TMPRSS12: variants seen among roughly 807,000 people sequenced by gnomAD.
TMPRSS12 encodes transmembrane serine protease 12.
In TMPRSS12, 25 loss-of-function variants were observed where a neutral mutation model predicts 26.0. The observed-to-expected ratio is 0.96, with a 90% CI of 0.70 to 1.34. The LOEUF is 1.34. Ranked by LOEUF, TMPRSS12 falls within the 40% of genes most tolerant of loss-of-function variation. The pLI, the probability that TMPRSS12 is intolerant of heterozygous loss-of-function variation, is 0.00. For missense variants in TMPRSS12, 441 were observed against 440.1 expected, an observed-to-expected ratio of 1.00 and a Z score of -0.02; for synonymous variants, 150 against 161.7, an observed-to-expected ratio of 0.93 and a Z score of 0.55.
rs570503812 is a variant in TMPRSS12 at position 50,885,185 on chromosome 12, C to T, written c.653-61C>T. 2.7e-5 allele frequency: 39 copies of T among 1,460,956 alleles called. No homozygotes were observed. In the African/African-American group the frequency reaches 5.4e-4, roughly 20 times the overall value. 90.5% of individuals were successfully genotyped at this position (1,460,956 alleles called of 1,614,324 possible). A position where few individuals can be genotyped will look rare whatever the true frequency, so the allele number is the denominator to read the frequency against. The stretch of plus-strand genomic sequence containing the variant: ...TTGGAAAGAAAACATAAAACACTAA[C>T]ATTTAAATCACTGTAAAAATGTCTG... On this transcript the variant is annotated intron_variant, in intron 3 of 4. Coordinates refer to ENST00000398458, the MANE Select transcript of TMPRSS12 (RefSeq NM_182559.3).
intron 3 of TMPRSS12, among the ~76,000 whole-genome samples, chr12:50,862,177 G>C (rs1469144492): frequency 6.6e-6 from 1 of 152,178 alleles, no homozygotes; most frequent in Non-Finnish European, 1.5e-5. Context: ...ATACCCATCA[G>C]AGAGTTGTTT....
At chr12:50,843,276 T>A (rs1006400166) in intron 1 of TMPRSS12, 125 bp downstream of exon 1, 4 of 952,860 alleles carry the variant, frequency 4.2e-6, no homozygotes, top group Non-Finnish European at 5.9e-6. Flanking sequence ...TTTACATACC[T>A]AAGCAGTTTC....
chr12:50,872,826 T>C (rs1592223164), intron 3 of TMPRSS12, among the ~76,000 whole-genome samples: 2 of 117,662 alleles, frequency 1.7e-5, no homozygotes, highest in African/African-American at 6.0e-5. Flanking sequence ...CGTATATATG[T>C]ACATATATAT....
Position 50,887,718 on chromosome 12 carries a change from T to A in TMPRSS12, c.*205T>A. On this transcript the variant is annotated 3_prime_UTR_variant, in exon 5 of 5. Coordinates refer to ENST00000398458, the MANE Select transcript of TMPRSS12 (RefSeq NM_182559.3). ...TGTCTCCTTGAAATATCTTGATTAT[T>A]TTATAATCATAATTCTGTATCTGGA... The A allele has an allele frequency of 1.9e-6, 1 of 528,954 alleles. No individual in the cohort carries two copies. Among genetic ancestry groups the A allele is most frequent in the Non-Finnish European group, 3.2e-6 (1 of 312,426 alleles). 32.8% of individuals were successfully genotyped at this position (528,954 alleles called of 1,614,324 possible).
Position 50,864,138 on chromosome 12 carries a change from G to A in TMPRSS12, c.652+5085G>A, listed in dbSNP as rs148588863. On this transcript the variant is annotated intron_variant, in intron 3 of 4. Coordinates refer to ENST00000398458, the MANE Select transcript of TMPRSS12 (RefSeq NM_182559.3). ...ATGTAACTATAAATACCACTCACAC[G>A]GATTTGCTATCCAAAGTAACACTGA... 3.4e-4 allele frequency among the ~76,000 whole-genome samples: 52 copies of A among 152,156 alleles called. 2 individuals are homozygous for A. In the East Asian group the frequency reaches 9.8e-3, roughly 29 times the overall value.
intron 3 of TMPRSS12, among the ~76,000 whole-genome samples, chr12:50,872,920 C>CAT (rs777194541): frequency 5.5e-5 from 4 of 72,288 alleles, no homozygotes; most frequent in African/African-American, 1.6e-4. Flanking sequence ...TATATATGTA[C>CAT]ATATATGATG....
chr12:50,879,657 G>A (rs187599017), intron 3 of TMPRSS12, among the ~76,000 whole-genome samples: 4 of 152,270 alleles, frequency 2.6e-5, no homozygotes, highest in African/African-American at 7.2e-5. Context: ...TATCATTAAC[G>A]AGAATTTTTA....
At chr12:50,858,707 A>T in intron 2 of TMPRSS12, 78 bp from the exon 3 acceptor site, 1 of 1,152,708 alleles carries the variant, frequency 8.7e-7, no homozygotes, top group East Asian at 2.8e-5. Flanking sequence ...TAACATGAGA[A>T]GAAAACTAGT....
intron 3 of TMPRSS12, among the ~76,000 whole-genome samples, chr12:50,876,246 A>C (rs1938111511): frequency 6.6e-6 from 1 of 152,168 alleles, no homozygotes; most frequent in Non-Finnish European, 1.5e-5. Context: ...AAAAACCAAA[A>C]AACATGCTGC....
At chr12:50,875,731 T>C (rs929486667) in intron 3 of TMPRSS12, among the ~76,000 whole-genome samples, 7 of 152,000 alleles carry the variant, frequency 4.6e-5, no homozygotes, top group African/African-American at 1.4e-4. Context: ...CTCTATCCTA[T>C]CACCATATGC....
At chr12:50,871,860 G>T (rs1228886677) in intron 3 of TMPRSS12, among the ~76,000 whole-genome samples, 2 of 151,820 alleles carry the variant, frequency 1.3e-5, no homozygotes, top group East Asian at 3.9e-4. Flanking sequence ...AATGATCAGG[G>T]AAATGCAAAT....
intron 2 of TMPRSS12, among the ~76,000 whole-genome samples, chr12:50,848,496 G>A (rs937259200): frequency 4.9e-4 from 75 of 152,282 alleles, no homozygotes; most frequent in Non-Finnish European, 9.0e-4. Context: ...TGTTTTTGTC[G>A]TTGTTGTTTT....
intron 2 of TMPRSS12, among the ~76,000 whole-genome samples, chr12:50,856,941 C>T (rs1431978481): frequency 2.0e-5 from 3 of 152,092 alleles, no homozygotes; most frequent in East Asian, 1.9e-4. Context: ...CTGCCTGTCT[C>T]GGCCTCCCAA....
intron 3 of TMPRSS12, among the ~76,000 whole-genome samples, chr12:50,865,699 G>GAAA (rs5798154): frequency 7.6e-6 from 1 of 130,994 alleles, no homozygotes; most frequent in East Asian, 2.1e-4. Context: ...GAACAACAAA[G>GAAA]AAAAAAAAAA....
intron 3 of TMPRSS12, among the ~76,000 whole-genome samples, chr12:50,883,907 T>C (rs1342880096): frequency 4.6e-5 from 7 of 151,710 alleles, no homozygotes; most frequent in Non-Finnish European, 8.8e-5. Flanking sequence ...GAGGTTGAGG[T>C]GGGAGGATTG....
intron 3 of TMPRSS12, among the ~76,000 whole-genome samples, chr12:50,878,237 AT>A (rs1417850835): frequency 6.6e-6 from 1 of 151,134 alleles, no homozygotes; most frequent in Non-Finnish European, 1.5e-5. Flanking sequence ...AGACTGTCTG[AT>A]TTCAAAACGT....
At chr12:50,885,451 G>C (rs983955029) in intron 4 of TMPRSS12, 63 bp downstream of exon 4, 1 of 1,590,280 alleles carries the variant, frequency 6.3e-7, no homozygotes, top group Non-Finnish European at 8.6e-7. Flanking sequence ...TGTCAAACAA[G>C]GCCTTTGATA....
chr12:50,887,806 A>C lies in TMPRSS12; in HGVS notation c.*293A>C. Reference sequence around the variant, plus strand: ...TATATTTTATGTGTATAAATGCCAAATAATAGTTTATAATTAAAATGAAAG... The same window carrying C: ...TATATTTTATGTGTATAAATGCCAACTAATAGTTTATAATTAAAATGAAAG... On this transcript the variant is annotated 3_prime_UTR_variant, in exon 5 of 5. Coordinates refer to ENST00000398458, the MANE Select transcript of TMPRSS12 (RefSeq NM_182559.3). The C allele has an allele frequency of 4.9e-6, 1 of 202,750 alleles. No individual in the cohort carries two copies. The highest frequency in any genetic ancestry group is 9.7e-6 in the Non-Finnish European group (1 of 102,594). 12.6% of individuals were successfully genotyped at this position (202,750 alleles called of 1,614,324 possible). A position where few individuals can be genotyped will look rare whatever the true frequency, so the allele number is the denominator to read the frequency against.
At position 50,843,967 on chromosome 12, in the gene TMPRSS12, C is replaced by T. The variant is rs752184116; in HGVS notation, c.313C>T (p.His105Tyr). The T allele has an allele frequency of 1.2e-6, 2 of 1,607,188 alleles. No individual in the cohort carries two copies. The highest frequency in any genetic ancestry group is 4.5e-5 in the East Asian group (2 of 44,698). ...LQIKYGRVLVHVCGGTLVRER... is the reference protein window; with the variant it reads ...LQIKYGRVLVYVCGGTLVRER... Reference sequence around the variant, plus strand: ...GATTAAATATGGCCGTGTTCTTGTTCATGTATGTGGGGGAACCCTAGTGAG... The same window carrying T: ...GATTAAATATGGCCGTGTTCTTGTTTATGTATGTGGGGGAACCCTAGTGAG... Residue 105 changes from histidine (H) to tyrosine (Y), a missense_variant, in exon 2 of 5, where the codon CAT becomes TAT. Physicochemically the swap from His to Tyr is moderately conservative, Grantham distance 83 (BLOSUM62 2). Transcript: ENST00000398458.
Sources: gnomAD v4.1 joint callset for allele counts (sites outside exome capture counted in the v4.1 genomes callset) on GRCh38, gnomAD v4.1.1 for gene constraint, MANE v1.5 for transcripts, NCBI Gene and HGNC (gene_info 2026-07-23, HGNC 2026-07-21) for gene names.